Variants in MCF2L2 observed in about 807,000 individuals in gnomAD.
MCF2L2 encodes the protein probable guanine nucleotide exchange factor MCF2L2.
Under a neutral mutation model 150.2 loss-of-function variants are expected in MCF2L2, and 102 were observed. That is an observed-to-expected ratio of 0.68 (90% CI 0.58 to 0.80). The LOEUF (loss-of-function observed/expected upper bound fraction) is 0.80, where lower values mean the gene tolerates loss of function less well. Ranked by LOEUF, MCF2L2 falls within the 30% of genes least tolerant of loss-of-function variation. The pLI, the probability that MCF2L2 is intolerant of heterozygous loss-of-function variation, is 0.00. For synonymous variants in MCF2L2, 465 were observed against 491.3 expected (o/e 0.95, Z 0.71); for missense variants, 1,256 against 1,372.8 (o/e 0.91, Z 1.34).
At chr3:183,392,692 C>T (rs1435056063) in intron 1 of MCF2L2, among the ~76,000 whole-genome samples, 3 of 152,166 alleles carry the variant, frequency 2.0e-5, no homozygotes, top group South Asian at 2.1e-4. Context: ...TCCTCTGACT[C>T]GGCATGGAGA....
intron 23 of MCF2L2, 33 bp from the exon 24 acceptor site, chr3:183,206,247 C>A (rs903710046): frequency 6.8e-7 from 1 of 1,468,756 alleles, no homozygotes; most frequent in Non-Finnish European, 9.5e-7. Context: ...ATGTTCTATA[C>A]CATCGTTTTC....
At chr3:183,218,569 A>T (rs1345492569) in intron 21 of MCF2L2, among the ~76,000 whole-genome samples, 1 of 152,144 alleles carries the variant, frequency 6.6e-6, no homozygotes, top group Non-Finnish European at 1.5e-5. Flanking sequence ...CGGGAGGCGG[A>T]GTTGCAGTGA....
Position 183,297,184 on chromosome 3 carries a change from G to A in MCF2L2, c.1306-17C>T. The A allele has an allele frequency of 1.2e-6, 2 of 1,610,818 alleles. No individual in the cohort carries two copies. The highest frequency in any genetic ancestry group is 2.2e-5 in the South Asian group (2 of 90,748). On this transcript the variant is annotated splice_polypyrimidine_tract_variant and intron_variant, in intron 11 of 29. Coordinates refer to ENST00000328913, the MANE Select transcript of MCF2L2 (RefSeq NM_015078.4). ...TTGGCTGACCTTTTGGAAAGAAACA[G>A]TGCCCTGTGCACTTCGCCTGACCAC...
chr3:183,179,248 G>GT lies in MCF2L2; in HGVS notation c.*131dup. 1 of 1,259,628 alleles carries GT rather than the reference G, an allele frequency of 7.9e-7. No homozygotes were observed. 78.0% of individuals were successfully genotyped at this position (1,259,628 alleles called of 1,614,324 possible). A position where few individuals can be genotyped will look rare whatever the true frequency, so the allele number is the denominator to read the frequency against. The stretch of plus-strand genomic sequence containing the variant: ...CTCGGGCTCCTCGGAGGAGGCCCTG[G>GT]TTGTCCCCTTTCTGCCGCCGCCGAG... On this transcript the variant is annotated 3_prime_UTR_variant, in exon 30 of 30. Transcript: ENST00000328913. This position sits in a 1 kb window ranked among gnomAD's most constrained non-coding sequence, Gnocchi z 4.2.
Position 183,270,051 on chromosome 3 carries a change from G to A in MCF2L2, c.1862+6821C>T. 1 of 1,614,146 alleles carries A rather than the reference G, an allele frequency of 6.2e-7. No homozygotes were observed. The highest frequency in any genetic ancestry group is 8.5e-7 in the Non-Finnish European group (1 of 1,180,028). On this transcript the variant is annotated intron_variant, in intron 15 of 29. Transcript: ENST00000328913. The surrounding 1 kb of genome is among the most constrained non-coding windows in gnomAD (Gnocchi z 4.5). ...GATTAACCACAAGGAAAAGTGTCAAGCTCAAGACGTCCTCCTTTTACTGTT... is the reference window on the plus strand; with the variant it reads ...GATTAACCACAAGGAAAAGTGTCAAACTCAAGACGTCCTCCTTTTACTGTT...
chr3:183,209,266 A>C (rs1722602835), intron 22 of MCF2L2, among the ~76,000 whole-genome samples: 1 of 152,222 alleles, frequency 6.6e-6, no homozygotes, highest in South Asian at 2.1e-4. Context: ...AATATGTTTT[A>C]GTAAAGGCAA....
intron 15 of MCF2L2, among the ~76,000 whole-genome samples, chr3:183,252,523 T>G (rs1039697666): frequency 3.9e-5 from 6 of 152,186 alleles, no homozygotes; most frequent in South Asian, 2.1e-4. Flanking sequence ...GTGTGTGTGT[T>G]TTTTCTTTTA....
intron 24 of MCF2L2, 29 bp from the exon 25 acceptor site, chr3:183,205,983 A>C: frequency 6.3e-7 from 1 of 1,596,574 alleles, no homozygotes; most frequent in Non-Finnish European, 8.6e-7. Flanking sequence ...AAACACTATA[A>C]GACTACCATG....
intron 7 of MCF2L2, 112 bp downstream of exon 7, chr3:183,317,956 A>C (rs967555256): frequency 1.9e-5 from 25 of 1,345,206 alleles, no homozygotes; most frequent in Admixed American, 9.2e-5. Context: ...CAAGTCACTA[A>C]AGAAGAAGGA....
intron 22 of MCF2L2, among the ~76,000 whole-genome samples, chr3:183,211,426 G>A (rs1722718805): frequency 6.6e-6 from 1 of 152,176 alleles, no homozygotes; most frequent in Non-Finnish European, 1.5e-5. Context: ...GGGTCATGTT[G>A]CACAAATGTT....
At chr3:183,349,933 G>C (rs1731047437) in intron 3 of MCF2L2, among the ~76,000 whole-genome samples, 1 of 152,020 alleles carries the variant, frequency 6.6e-6, no homozygotes, top group South Asian at 2.1e-4. Context: ...GAGCCACCAG[G>C]ACTCTTAAAC....
chr3:183,422,812 G>A (rs1715949424), intron 1 of MCF2L2, among the ~76,000 whole-genome samples: 1 of 152,124 alleles, frequency 6.6e-6, no homozygotes, highest in South Asian at 2.1e-4. Context: ...ACTTCCAGAG[G>A]CTTTAGAAGC....
chr3:183,180,430 T>C (rs1005165090), intron 27 of MCF2L2: 4 of 406,398 alleles, frequency 9.8e-6, no homozygotes, highest in African/African-American at 6.1e-5. Flanking sequence ...AAAACAGTCA[T>C]TGTTTTTTGT....
At chr3:183,218,018 T>C (rs1475866071) in intron 21 of MCF2L2, among the ~76,000 whole-genome samples, 1 of 152,252 alleles carries the variant, frequency 6.6e-6, no homozygotes, top group Non-Finnish European at 1.5e-5. Context: ...TTATTCAATG[T>C]ATTTTTTTAA....
intron 10 of MCF2L2, among the ~76,000 whole-genome samples, chr3:183,306,184 A>G (rs1463154651): frequency 6.6e-6 from 1 of 151,616 alleles, no homozygotes; most frequent in Non-Finnish European, 1.5e-5. Flanking sequence ...TGTTCTTGTC[A>G]CCTTCCAGCC....
At chr3:183,338,107 A>T (rs1390012019) in intron 5 of MCF2L2, among the ~76,000 whole-genome samples, 1 of 132,658 alleles carries the variant, frequency 7.5e-6, no homozygotes, top group African/African-American at 3.7e-5. Context: ...CTATCATCTT[A>T]GACACCACCT....
chr3:183,389,470 T>A (rs547424122), intron 2 of MCF2L2, among the ~76,000 whole-genome samples: 6 of 152,302 alleles, frequency 3.9e-5, no homozygotes, highest in South Asian at 4.1e-4. Flanking sequence ...CACAAAGAAA[T>A]GTGCTCCTTT....
intron 2 of MCF2L2, among the ~76,000 whole-genome samples, chr3:183,382,481 G>T (rs531466111): frequency 7.2e-5 from 11 of 152,278 alleles, no homozygotes; most frequent in Admixed American, 7.2e-4. Context: ...AAGGTTAACT[G>T]TGCACACCCA....
chr3:183,299,059 C>T (rs1728705766), intron 11 of MCF2L2: 1 of 152,318 alleles, frequency 6.6e-6, no homozygotes, highest in South Asian at 2.1e-4. Context: ...CTGGGACCAG[C>T]TCACAGGGAA....
Sources: gnomAD v4.1 joint callset for allele counts (sites outside exome capture counted in the v4.1 genomes callset) on GRCh38, gnomAD v4.1.1 for gene constraint, Gnocchi (gnomAD v3.1) non-coding constraint, MANE v1.5 for transcripts, NCBI Gene and HGNC (gene_info 2026-07-23, HGNC 2026-07-21) for gene names.